Variants in ADAMTS3 observed in about 807,000 individuals in gnomAD.
ADAMTS3 encodes the protein ADAM metallopeptidase with thrombospondin type 1 motif 3.
A neutral mutation model predicts 129.0 loss-of-function variants in ADAMTS3; 73 were observed. The observed-to-expected ratio is 0.57, with a 90% confidence interval of 0.47 to 0.69. The LOEUF (loss-of-function observed/expected upper bound fraction) is 0.69, where lower values mean the gene tolerates loss of function less well. Among genes scored for constraint, ADAMTS3 ranks in the 30% least tolerant of loss-of-function variants. The pLI, the probability that ADAMTS3 is intolerant of heterozygous loss-of-function variation, is 0.00. For synonymous variants in ADAMTS3, 477 were observed against 510.8 expected (o/e 0.93, Z 0.89); for missense variants, 1,457 against 1,514.5 (o/e 0.96, Z 0.63).
intron 2 of ADAMTS3, among the ~76,000 whole-genome samples, chr4:72,551,286 G>A (rs1466615014): frequency 6.6e-6 from 1 of 151,934 alleles, no homozygotes; most frequent in Non-Finnish European, 1.5e-5. Context: ...AAAACGCAGG[G>A]AGCCTTCTCC....
At chr4:72,454,664 T>TAAAAAA (rs1274197394) in intron 3 of ADAMTS3, among the ~76,000 whole-genome samples, 4 of 151,628 alleles carry the variant, frequency 2.6e-5, no homozygotes, top group Non-Finnish European at 1.5e-5. Flanking sequence ...ATTACCTTTG[T>TAAAAAA]AAAATACAAT....
At chr4:72,458,952 C>G (rs1187299762) in intron 3 of ADAMTS3, among the ~76,000 whole-genome samples, 1 of 151,530 alleles carries the variant, frequency 6.6e-6, no homozygotes, top group African/African-American at 2.4e-5. Context: ...CCCCATAGCA[C>G]AGCAATTGAC....
At chr4:72,537,612 AAAC>A (rs147374829) in intron 3 of ADAMTS3, among the ~76,000 whole-genome samples, 3,033 of 152,128 alleles carry the variant, frequency 0.02, 104 homozygotes, top group African/African-American at 0.069. Flanking sequence ...ACAAACAAAT[AAAC>A]AACAACAACA....
intron 16 of ADAMTS3, among the ~76,000 whole-genome samples, chr4:72,305,368 A>G (rs1215455853): frequency 6.6e-6 from 1 of 152,118 alleles, no homozygotes; most frequent in Non-Finnish European, 1.5e-5. Flanking sequence ...GTTGCTTTTC[A>G]AAGAATGTGA....
At chr4:72,442,926 C>T (rs1363868402) in intron 3 of ADAMTS3, among the ~76,000 whole-genome samples, 1 of 151,724 alleles carries the variant, frequency 6.6e-6, no homozygotes, top group Non-Finnish European at 1.5e-5. Context: ...ATTCTTTAAC[C>T]TTGGATTAGT....
At chr4:72,390,904 A>C (rs1389506692) in intron 4 of ADAMTS3, among the ~76,000 whole-genome samples, 1 of 151,982 alleles carries the variant, frequency 6.6e-6, no homozygotes, top group Admixed American at 6.6e-5. Flanking sequence ...AAAAAAAAAA[A>C]AAAAACTGGC....
At chr4:72,310,884 A>C (rs1719214384) in intron 14 of ADAMTS3, among the ~76,000 whole-genome samples, 164 bp downstream of exon 14, 1 of 152,114 alleles carries the variant, frequency 6.6e-6, no homozygotes, top group Non-Finnish European at 1.5e-5. Context: ...TGATTTGAGA[A>C]AGTACAATGT....
rs761007907 is a variant in ADAMTS3 at position 72,311,101 on chromosome 4, T to C, written c.2002A>G (p.Thr668Ala). The change falls in exon 14 of 22, where the codon ACG becomes GCG. Residue 668 changes from threonine to alanine, a missense_variant. Coordinates refer to ENST00000286657, the MANE Select transcript of ADAMTS3 (RefSeq NM_014243.3). ...TATGGATCTTTGTAAGAACAGTGCG[T>C]TCCATCATGCACCAGTTGTTTCATG... ...AYMKQLVHDG[T>A]HCSYKDPYSI... is the part of the protein sequence containing the mutation. 6.2e-7 allele frequency: 1 copy of C among 1,612,754 alleles called. No homozygotes were observed. Among genetic ancestry groups the C allele is most frequent in the South Asian group, 1.1e-5 (1 of 90,976 alleles).
At chr4:72,292,595 T>A (rs1718702957) in intron 19 of ADAMTS3, among the ~76,000 whole-genome samples, 1 of 152,192 alleles carries the variant, frequency 6.6e-6, no homozygotes, top group Non-Finnish European at 1.5e-5. Context: ...CCAAATCAGC[T>A]GTGGATACAA....
intron 4 of ADAMTS3, among the ~76,000 whole-genome samples, chr4:72,379,934 AC>A (rs1475147870): frequency 6.6e-6 from 1 of 152,116 alleles, no homozygotes; most frequent in Non-Finnish European, 1.5e-5. Context: ...CCAGCTCAAT[AC>A]CTCTTGCTCT....
intron 4 of ADAMTS3, among the ~76,000 whole-genome samples, chr4:72,414,430 A>C (rs991929633): frequency 3.3e-5 from 5 of 152,000 alleles, no homozygotes; most frequent in African/African-American, 1.2e-4. Flanking sequence ...TAAAACAAAA[A>C]GCAACTGTTT....
At chr4:72,352,538 G>A (rs922486251) in intron 4 of ADAMTS3, among the ~76,000 whole-genome samples, 3 of 151,896 alleles carry the variant, frequency 2.0e-5, no homozygotes, top group South Asian at 2.1e-4. Context: ...TTTCAGCACA[G>A]AACCTAATCT....
intron 3 of ADAMTS3, among the ~76,000 whole-genome samples, chr4:72,517,840 G>T (rs931779194): frequency 6.6e-6 from 1 of 151,282 alleles, no homozygotes; most frequent in African/African-American, 2.4e-5. Flanking sequence ...ATTTCCTTCA[G>T]TTCTGCTCTG....
chr4:72,515,845 A>G (rs2109731406), intron 3 of ADAMTS3, among the ~76,000 whole-genome samples: 1 of 152,062 alleles, frequency 6.6e-6, no homozygotes, highest in South Asian at 2.1e-4. Flanking sequence ...GTTTAGTTAG[A>G]TCCCATTTGT....
chr4:72,333,706 C>A (rs929490243), intron 5 of ADAMTS3, among the ~76,000 whole-genome samples: 2 of 152,102 alleles, frequency 1.3e-5, no homozygotes, highest in Non-Finnish European at 2.9e-5. Context: ...TAAATTTGAG[C>A]CACAATGACC....
rs910702333 is a variant in ADAMTS3, at chr4:72,313,523, G to A, written c.1745+154C>T. ...TGTCACAAGATTAATAAATGGAGAT[G>A]TATCAAAAACACAGACTGGTTTATG... On this transcript the variant is annotated intron_variant, in intron 12 of 21. Coordinates refer to ENST00000286657, the MANE Select transcript of ADAMTS3 (RefSeq NM_014243.3). 3.9e-5 allele frequency among the ~76,000 whole-genome samples: 6 copies of A among 152,152 alleles called. No individual in the cohort carries two copies. In the East Asian group the frequency reaches 1.2e-3, roughly 29 times the overall value.
intron 3 of ADAMTS3, among the ~76,000 whole-genome samples, chr4:72,495,621 A>AT (rs1039402594): frequency 2.0e-4 from 31 of 152,290 alleles, no homozygotes; most frequent in African/African-American, 7.2e-4. Flanking sequence ...TAACTCAATA[A>AT]TAACAGTTGC....
intron 3 of ADAMTS3, among the ~76,000 whole-genome samples, chr4:72,537,202 C>T (rs1243963291): frequency 6.6e-6 from 1 of 152,230 alleles, no homozygotes; most frequent in Admixed American, 6.5e-5. Context: ...CCTAGAGCAG[C>T]TTGCATAAAA....
chr4:72,364,929 T>A (rs1367106530), intron 4 of ADAMTS3, among the ~76,000 whole-genome samples: 1 of 152,152 alleles, frequency 6.6e-6, no homozygotes, highest in Non-Finnish European at 1.5e-5. Flanking sequence ...AGTACATGTA[T>A]CTTGCACTTT....
Sources: allele counts gnomAD v4.1 joint callset (sites outside exome capture counted in the v4.1 genomes callset), GRCh38; gene constraint gnomAD v4.1.1; transcripts MANE v1.5; gene names NCBI Gene and HGNC (gene_info 2026-07-23, HGNC 2026-07-21).